The following EPB41L4B variants were observed in gnomAD, a reference collection of about 807,000 sequenced individuals.
The protein encoded by EPB41L4B is erythrocyte membrane protein band 4.1 like 4B.
In EPB41L4B, 30 loss-of-function variants were observed where a neutral mutation model predicts 112.5. The ratio of observed to expected loss-of-function variants is 0.27; its 90% CI spans 0.20 to 0.36. The LOEUF is 0.36. Among genes scored for constraint, EPB41L4B ranks in the 10% least tolerant of loss-of-function variants. The probability of loss-of-function intolerance (pLI) is 1.00; values close to 1 mark genes in which losing one functional copy is unlikely to be tolerated. For missense variants in EPB41L4B, 1,024 were observed against 1,133.3 expected, an observed-to-expected ratio of 0.90 and a Z score of 1.38; for synonymous variants, 408 against 439.7, an observed-to-expected ratio of 0.93 and a Z score of 0.90.
intron 6 of EPB41L4B, among the ~76,000 whole-genome samples, chr9:109,261,595 A>T (rs1001062885): frequency 6.6e-6 from 1 of 152,150 alleles, no homozygotes; most frequent in African/African-American, 2.4e-5. Context: ...CACATGACAA[A>T]ATACACATAC....
In EPB41L4B at chr9:109,192,372, A is replaced by C. The variant is rs771859030; in HGVS notation, c.2224-17T>G. The C allele has an allele frequency of 6.3e-7, 1 of 1,587,482 alleles. No homozygotes were observed. Among genetic ancestry groups the C allele is most frequent in the South Asian group, 1.1e-5 (1 of 87,200 alleles). On this transcript the variant is annotated splice_polypyrimidine_tract_variant and intron_variant, in intron 21 of 25. Coordinates refer to ENST00000374566, the MANE Select transcript of EPB41L4B (RefSeq NM_019114.5). ...AGAGGGGCTCTAGGGAGACAGACAAACACCCCTGGTTAGAGACGGCACTGC... is the reference window on the plus strand; with the variant it reads ...AGAGGGGCTCTAGGGAGACAGACAACCACCCCTGGTTAGAGACGGCACTGC...
At chr9:109,268,455 T>C in intron 2 of EPB41L4B, 22 bp from the exon 3 acceptor site, 1 of 1,602,806 alleles carries the variant, frequency 6.2e-7, no homozygotes, top group South Asian at 1.1e-5. Flanking sequence ...AAAAAAAGTT[T>C]CTTTAGGAAT....
At chr9:109,276,114 CATAT>C (rs1414391822) in intron 2 of EPB41L4B, among the ~76,000 whole-genome samples, 13 of 147,318 alleles carry the variant, frequency 8.8e-5, no homozygotes, top group African/African-American at 3.0e-4. Context: ...TCTATATACA[CATAT>C]ATAGTGTATA....
At chr9:109,177,956 T>G (rs1460928874) in intron 24 of EPB41L4B, among the ~76,000 whole-genome samples, 1 of 151,798 alleles carries the variant, frequency 6.6e-6, no homozygotes, top group Non-Finnish European at 1.5e-5. Flanking sequence ...TCTCACTCTG[T>G]TGCCCAGGCT....
intron 2 of EPB41L4B, among the ~76,000 whole-genome samples, chr9:109,271,069 TCAAGCAA>T (rs1260709677): frequency 6.6e-6 from 1 of 152,204 alleles, no homozygotes; most frequent in Non-Finnish European, 1.5e-5. Context: ...CTGCAAAATC[TCAAGCAA>T]TTTCAGGTTT....
chr9:109,230,524 A>G (rs1006353480), intron 15 of EPB41L4B, among the ~76,000 whole-genome samples: 2 of 152,172 alleles, frequency 1.3e-5, no homozygotes, highest in African/African-American at 2.4e-5. Context: ...CGACTGAGAG[A>G]TGAGAGAAAG....
chr9:109,174,949 C>T (rs1588110546), intron 25 of EPB41L4B, among the ~76,000 whole-genome samples: 1 of 127,120 alleles, frequency 7.9e-6, no homozygotes. Flanking sequence ...TGGAGTCTCA[C>T]TCTGTCACCC....
chr9:109,192,345 T>G lies in EPB41L4B; in HGVS notation c.2234A>C (p.Asp745Ala). ...CTCCAGGGTAAAGGCACCTCCTCGG[T>G]CAGAGGGGCTCTAGGGAGACAGACA... The part of the protein sequence containing the change: ...LLSPGAKSPS[D>A]RGGAFTLEPG... Residue 745 changes from aspartate (D) to alanine (A), a missense_variant, in exon 22 of 26, where the codon GAC becomes GCC. Physicochemically the swap from Asp to Ala is moderately radical, Grantham distance 126 (BLOSUM62 -2). Transcript: ENST00000374566. The G allele has an allele frequency of 1.2e-6, 2 of 1,611,000 alleles. No individual in the cohort carries two copies. The highest frequency in any genetic ancestry group is 1.7e-6 in the Non-Finnish European group (2 of 1,178,590).
intron 5 of EPB41L4B, among the ~76,000 whole-genome samples, chr9:109,264,049 G>A (rs570734783): frequency 6.6e-6 from 1 of 152,196 alleles, no homozygotes; most frequent in African/African-American, 2.4e-5. Flanking sequence ...TAGAGAGAGA[G>A]AGAGAGAGGG....
Position 109,213,707 on chromosome 9 carries a change from A to G in EPB41L4B, c.1745T>C (p.Ile582Thr). 6.2e-7 allele frequency: 1 copy of G among 1,613,782 alleles called. No individual in the cohort carries two copies. Among genetic ancestry groups the G allele is most frequent in the East Asian group, 2.2e-5 (1 of 44,878 alleles). The change falls in exon 17 of 26, where the codon ATA (isoleucine) becomes ACA (threonine). Residue 582 changes from isoleucine (I) to threonine (T), a missense_variant. Coordinates refer to ENST00000374566, the MANE Select transcript of EPB41L4B (RefSeq NM_019114.5). ...AGPWPPLHIN[I>T]NKAEEKKVSE... ...AGCCCCGGCCCTTGGCACCTTGTTTATGTTGATGTGCAGAGGAGGCCAGGG... is the reference window on the plus strand; with the variant it reads ...AGCCCCGGCCCTTGGCACCTTGTTTGTGTTGATGTGCAGAGGAGGCCAGGG...
chr9:109,254,637 T>G (rs1383252449), intron 11 of EPB41L4B, among the ~76,000 whole-genome samples: 1 of 152,152 alleles, frequency 6.6e-6, no homozygotes, highest in Non-Finnish European at 1.5e-5. Flanking sequence ...CTGCCAGGCC[T>G]TACACATACA....
At chr9:109,300,649 G>A (rs892229485) in intron 1 of EPB41L4B, among the ~76,000 whole-genome samples, 3 of 152,064 alleles carry the variant, frequency 2.0e-5, no homozygotes, top group Non-Finnish European at 4.4e-5. Context: ...AGCCAGGCGT[G>A]GTGATGGGCG....
chr9:109,317,371 C>G (rs1369173962), intron 1 of EPB41L4B, among the ~76,000 whole-genome samples: 1 of 152,216 alleles, frequency 6.6e-6, no homozygotes, highest in Non-Finnish European at 1.5e-5. Flanking sequence ...TATCACTTAG[C>G]ATCACCCAGA....
rs140799693 is a variant in EPB41L4B at position 109,310,015 on chromosome 9, C to T, written c.306+10126G>A. On this transcript the variant is annotated intron_variant, in intron 1 of 25. Coordinates refer to ENST00000374566, the MANE Select transcript of EPB41L4B (RefSeq NM_019114.5). ...CCCACTCTTCCTCCCAGGTACACACCCAGGATAGATGCTTCCTGGCACATG... is the reference window on the plus strand; with the variant it reads ...CCCACTCTTCCTCCCAGGTACACACTCAGGATAGATGCTTCCTGGCACATG... Among the ~76,000 whole-genome samples the T allele has an allele frequency of 3.1e-3, 469 of 152,228 alleles. 2 individuals carry two copies. Among genetic ancestry groups the T allele is most frequent in the Non-Finnish European group, 5.0e-3 (337 of 68,018 alleles).
intron 15 of EPB41L4B, 72 bp downstream of exon 15, chr9:109,243,546 T>C: frequency 7.0e-7 from 1 of 1,436,470 alleles, no homozygotes; most frequent in East Asian, 2.3e-5. Flanking sequence ...TACTCCTAAC[T>C]AAGCAGAATC....
intron 5 of EPB41L4B, 124 bp from the exon 6 acceptor site, chr9:109,263,226 T>C (rs1835281422): frequency 2.9e-6 from 2 of 691,548 alleles, no homozygotes; most frequent in South Asian, 2.0e-5. Flanking sequence ...CTTAGTCATA[T>C]TTTTGCTGTC....
At chr9:109,180,170 C>T (rs1832002011) in intron 24 of EPB41L4B, among the ~76,000 whole-genome samples, 1 of 152,180 alleles carries the variant, frequency 6.6e-6, no homozygotes, top group Non-Finnish European at 1.5e-5. Context: ...GTGATGACCC[C>T]GCCCGCCCTG....
rs1224968437 is a variant in EPB41L4B, at chr9:109,179,798, C to T, written c.2487+2931G>A. Among the ~76,000 whole-genome samples, 3 of 152,136 alleles carry T rather than the reference C, an allele frequency of 2.0e-5. No individual in the cohort carries two copies. In the East Asian group the frequency reaches 5.8e-4, roughly 29 times the overall value. ...ATCTTCCCTATCTGTGCACTTCTGT[C>T]CACCTCCACCAGCAAAACCACTGTG... On this transcript the variant is annotated intron_variant, in intron 24 of 25. Coordinates refer to ENST00000374566, the MANE Select transcript of EPB41L4B (RefSeq NM_019114.5).
rs897464769 is a variant in EPB41L4B at position 109,320,427 on chromosome 9, C to T, written c.20G>A (p.Arg7Gln). Residue 7 changes from arginine (R) to glutamine (Q), a missense_variant, in exon 1 of 26, where the codon CGG (arginine) becomes CAG (glutamine). Transcript: ENST00000374566. MLRFLRRTFGRRSMQRY... is the reference protein window; with the variant it reads MLRFLRQTFGRRSMQRY... The stretch of plus-strand genomic sequence containing the variant: ...CTGCATGGAGCGGCGGCCAAAGGTC[C>T]GGCGCAGGAACCGCAGCATCCTGGC... The T allele has an allele frequency of 3.0e-6, 3 of 991,290 alleles. No individual in the cohort carries two copies. Among genetic ancestry groups the T allele is most frequent in the African/African-American group, 1.8e-5 (1 of 56,758 alleles). The allele number at this position is 991,290 out of a possible 1,614,324, so 61.4% of individuals were successfully genotyped here.
Sources: allele counts gnomAD v4.1 joint callset (sites outside exome capture counted in the v4.1 genomes callset), GRCh38; gene constraint gnomAD v4.1.1; transcripts MANE v1.5; gene names NCBI Gene and HGNC (gene_info 2026-07-23, HGNC 2026-07-21).